CSNK1G1: variants seen among roughly 807,000 people sequenced by gnomAD.
The protein encoded by CSNK1G1 is casein kinase I isoform gamma-1.
Under a neutral mutation model 59.6 loss-of-function variants are expected in CSNK1G1, and 22 were observed. The ratio of observed to expected loss-of-function variants is 0.37; its 90% CI spans 0.26 to 0.53. The LOEUF is 0.53. Among genes scored for constraint, CSNK1G1 ranks in the 20% least tolerant of loss-of-function variants. CSNK1G1 has a pLI of 0.89. For missense variants in CSNK1G1, 384 were observed against 519.5 expected (o/e 0.74, Z 2.54); for synonymous variants, 179 against 177.1 (o/e 1.01, Z -0.08).
chr15:64,303,471 G>A (rs999302988), intron 1 of CSNK1G1, among the ~76,000 whole-genome samples: 1 of 151,896 alleles, frequency 6.6e-6, no homozygotes, highest in African/African-American at 2.4e-5. Context: ...AAAAATTAGG[G>A]CCGGGCACAG....
At chr15:64,353,967 T>C (rs1898483605) in intron 1 of CSNK1G1, among the ~76,000 whole-genome samples, 1 of 152,142 alleles carries the variant, frequency 6.6e-6, no homozygotes, top group South Asian at 2.1e-4. Context: ...AGCATAAATC[T>C]AACTGAGATG....
In CSNK1G1 at chr15:64,167,431, C is replaced by A. The variant is rs2081615003; in HGVS notation, c.*4500G>T. 1 of 152,676 alleles carries A rather than the reference C, an allele frequency of 6.5e-6. No homozygotes were observed. The allele number at this position is 152,676 out of a possible 1,614,324, so 9.5% of individuals were successfully genotyped here. On this transcript the variant is annotated 3_prime_UTR_variant, in exon 12 of 12. Transcript: ENST00000303052. Reference sequence around the variant, plus strand: ...AAAGACTAGGAGTCTCTGCCATCGACCTCTAGACAGGACTTCCCTGGAGTC... The same window carrying A: ...AAAGACTAGGAGTCTCTGCCATCGAACTCTAGACAGGACTTCCCTGGAGTC...
Position 64,329,326 on chromosome 15 carries a change from C to T in CSNK1G1, c.-225+26662G>A, listed in dbSNP as rs985838045. Among the ~76,000 whole-genome samples, 608 of 151,414 alleles carry T rather than the reference C, an allele frequency of 4.0e-3. 2 individuals are homozygous for T. The highest frequency in any genetic ancestry group is 0.024 in the Middle Eastern group (7 of 294). ...GAACAGAAATTACAACAAACTATCT[C>T]TCAGACCACAGTGCAATCAAACTAG... On this transcript the variant is annotated intron_variant, in intron 1 of 11. Coordinates refer to ENST00000303052, the MANE Select transcript of CSNK1G1 (RefSeq NM_022048.5).
intron 4 of CSNK1G1, among the ~76,000 whole-genome samples, chr15:64,239,089 A>G (rs2082659712): frequency 6.6e-6 from 1 of 152,170 alleles, no homozygotes; most frequent in African/African-American, 2.4e-5. Flanking sequence ...ACCTACCTGC[A>G]CACAGATTCA....
chr15:64,306,558 T>C (rs1895694631), intron 1 of CSNK1G1, among the ~76,000 whole-genome samples: 1 of 152,180 alleles, frequency 6.6e-6, no homozygotes, highest in South Asian at 2.1e-4. Flanking sequence ...GGTACGGCTA[T>C]TTTGGAAGAA....
At chr15:64,352,447 C>CTTTT (rs1165768581) in intron 1 of CSNK1G1, among the ~76,000 whole-genome samples, 1,050 of 89,378 alleles carry the variant, frequency 0.012, 91 homozygotes, top group Middle Eastern at 0.024. Context: ...TTGAATTCTT[C>CTTTT]TTTTTTTTTT....
intron 10 of CSNK1G1, among the ~76,000 whole-genome samples, chr15:64,186,800 T>C (rs1312257974): frequency 6.6e-6 from 1 of 152,072 alleles, no homozygotes; most frequent in East Asian, 1.9e-4. Context: ...TTAGCCACTG[T>C]GCCTGGCTCC....
rs571294970 is a variant in CSNK1G1 at position 64,249,071 on chromosome 15, G to A, written c.292+2441C>T. ...CGGGAAGCGGAAGTTGCAGTGAGCC[G>A]AGATAGTGCCACTGCACTCCAGCCT... is the stretch of plus-strand genomic sequence containing the variant. On this transcript the variant is annotated intron_variant, in intron 4 of 11. Coordinates refer to ENST00000303052, the MANE Select transcript of CSNK1G1 (RefSeq NM_022048.5). 5.3e-5 allele frequency among the ~76,000 whole-genome samples: 8 copies of A among 152,264 alleles called. No individual in the cohort carries two copies. The South Asian group carries it at 6.2e-4, about 12-fold the overall frequency.
chr15:64,269,332 A>G (rs984347832), intron 2 of CSNK1G1, among the ~76,000 whole-genome samples: 8 of 152,028 alleles, frequency 5.3e-5, no homozygotes, highest in African/African-American at 1.4e-4. Flanking sequence ...TTGGTAGCCT[A>G]TTTATTACTG....
At chr15:64,265,890 C>T in intron 2 of CSNK1G1, 2 of 452,480 alleles carry the variant, frequency 4.4e-6, no homozygotes, top group Non-Finnish European at 8.9e-6. Context: ...TTGAGAGCAG[C>T]TAAGCAACAT....
In CSNK1G1 at chr15:64,204,437, T is replaced by C; in HGVS notation, c.999+4A>G. ...TAAAAAAAAAAAAAAAAAAGGATAC[T>C]TACAATAGGTCTCCCAACCCAATCA... On this transcript the variant is annotated splice_donor_region_variant and intron_variant, in intron 9 of 11. Transcript: ENST00000303052. The C allele has an allele frequency of 6.4e-7, 1 of 1,558,702 alleles. No homozygotes were observed. Among genetic ancestry groups the C allele is most frequent in the Non-Finnish European group, 8.6e-7 (1 of 1,159,132 alleles).
rs566675344 is a variant in CSNK1G1, at chr15:64,212,987, T to C, written c.679+903A>G. ...TGCCACTGCACTCCAGCCTGGGTGA[T>C]AGAGCGAGACTACATCTCAAAAAAA... On this transcript the variant is annotated intron_variant, in intron 6 of 11. Transcript: ENST00000303052. 7.8e-4 allele frequency among the ~76,000 whole-genome samples: 119 copies of C among 152,266 alleles called. 1 individual carries two copies. The highest frequency in any genetic ancestry group is 2.4e-3 in the African/African-American group (101 of 41,560).
intron 2 of CSNK1G1, among the ~76,000 whole-genome samples, chr15:64,279,082 A>C (rs143619173): frequency 6.6e-6 from 1 of 152,336 alleles, no homozygotes; most frequent in Admixed American, 6.5e-5. Flanking sequence ...TGCACAAATG[A>C]TCCACCTTTT....
At position 64,182,137 on chromosome 15, in the gene CSNK1G1, C is replaced by A. The variant is rs559647687; in HGVS notation, c.1108-1683G>T. On this transcript the variant is annotated intron_variant, in intron 10 of 11. Coordinates refer to ENST00000303052, the MANE Select transcript of CSNK1G1 (RefSeq NM_022048.5). ...GGAGTGCAGTGGCATGATCTCGGCT[C>A]ACTGCAACCTCTACCTCCCAGGTTC... Among the ~76,000 whole-genome samples, 28 of 136,752 alleles carry A rather than the reference C, an allele frequency of 2.0e-4. No individual in the cohort carries two copies. In the South Asian group the frequency reaches 6.6e-3, roughly 32 times the overall value. 89.7% of individuals were successfully genotyped at this position (136,752 alleles called of 152,430 possible). A position where few individuals can be genotyped will look rare whatever the true frequency, so the allele number is the denominator to read the frequency against.
chr15:64,247,323 A>T (rs771234110), intron 4 of CSNK1G1, among the ~76,000 whole-genome samples: 10 of 152,342 alleles, frequency 6.6e-5, no homozygotes, highest in Non-Finnish European at 8.8e-5. Flanking sequence ...GAAGAAAATA[A>T]GAAAAATAGT....
chr15:64,182,671 TC>T (rs1190316514), intron 10 of CSNK1G1, among the ~76,000 whole-genome samples: 5 of 152,244 alleles, frequency 3.3e-5, no homozygotes, highest in African/African-American at 1.2e-4. Flanking sequence ...TATAATGATG[TC>T]TGCAACTTAC....
intron 1 of CSNK1G1, among the ~76,000 whole-genome samples, chr15:64,301,902 G>C (rs1226849182): frequency 6.6e-6 from 1 of 151,610 alleles, no homozygotes; most frequent in African/African-American, 2.4e-5. Context: ...AAAAAAGAAA[G>C]AAAGAAAGAA....
At chr15:64,346,161 G>A (rs1262258421) in intron 1 of CSNK1G1, among the ~76,000 whole-genome samples, 2 of 151,948 alleles carry the variant, frequency 1.3e-5, no homozygotes, top group African/African-American at 4.8e-5. Flanking sequence ...GGAGGCAAAG[G>A]TGGGCAGATC....
rs1186330946 is a variant in CSNK1G1 at position 64,202,291 on chromosome 15, A to C, written c.1107+791T>G. Among the ~76,000 whole-genome samples the C allele has an allele frequency of 3.3e-5, 5 of 152,168 alleles. No homozygotes were observed. In the East Asian group the frequency reaches 9.6e-4, roughly 29 times the overall value. ...AAGTCCAAAGTACCTACCATTCTTA[A>C]CCAGCAAGGAAAAACCAGAACTGGC... On this transcript the variant is annotated intron_variant, in intron 10 of 11. Transcript: ENST00000303052.
Sources: allele counts gnomAD v4.1 joint callset (sites outside exome capture counted in the v4.1 genomes callset), GRCh38; gene constraint gnomAD v4.1.1; transcripts MANE v1.5; gene names NCBI Gene and HGNC (gene_info 2026-07-23, HGNC 2026-07-21).